The following CDC42BPA variants were observed in gnomAD, a reference collection of about 807,000 sequenced individuals.
CDC42BPA encodes CDC42 binding protein kinase alpha.
In CDC42BPA, 80 loss-of-function variants were observed where a neutral mutation model predicts 223.5. The ratio of observed to expected loss-of-function variants is 0.36; its 90% CI spans 0.30 to 0.43. The LOEUF is 0.43. Among genes scored for constraint, CDC42BPA ranks in the 20% least tolerant of loss-of-function variants. The probability of loss-of-function intolerance (pLI) is 1.00; values close to 1 mark genes in which losing one functional copy is unlikely to be tolerated. For missense variants in CDC42BPA, 1,743 were observed against 2,099.9 expected (o/e 0.83, Z 3.32); for synonymous variants, 694 against 718.6 (o/e 0.97, Z 0.55).
At chr1:227,307,547 G>GAAACTTTTTC (rs1488181854) in intron 1 of CDC42BPA, among the ~76,000 whole-genome samples, 1 of 152,236 alleles carries the variant, frequency 6.6e-6, no homozygotes, top group Non-Finnish European at 1.5e-5. Context: ...CAAACTTTTT[G>GAAACTTTTTC]AAACTTTTTC....
intron 2 of CDC42BPA, among the ~76,000 whole-genome samples, chr1:227,229,461 C>A (rs1007866959): frequency 2.0e-5 from 3 of 152,122 alleles, no homozygotes; most frequent in African/African-American, 7.2e-5. Flanking sequence ...CAACTTTGCT[C>A]TTTTTCAAAA....
chr1:227,265,971 C>T (rs903578670), intron 1 of CDC42BPA, among the ~76,000 whole-genome samples: 2 of 152,152 alleles, frequency 1.3e-5, no homozygotes, highest in Non-Finnish European at 2.9e-5. Context: ...ATTAAGTCCG[C>T]TTTGTTCACT....
chr1:227,115,327 G>C (rs75665794), intron 12 of CDC42BPA, among the ~76,000 whole-genome samples: 3,158 of 152,036 alleles, frequency 0.021, 123 homozygotes, highest in African/African-American at 0.072. Flanking sequence ...CTAAGGATAA[G>C]GAATATCACT....
At position 227,193,903 on chromosome 1, in the gene CDC42BPA, T is replaced by A; in HGVS notation, c.482A>T (p.Asp161Val). The change falls in exon 5 of 37, where the codon GAT (aspartate) becomes GTT (valine). Residue 161 changes from aspartate to valine, a missense_variant. Asp to Val is a radical substitution (Grantham distance 152, BLOSUM62 -3). Around this residue, in one of 6 missense-constraint regions of CDC42BPA, gnomAD observed 321 missense variants for 488.7 expected, o/e 0.66. Transcript: ENST00000366766. ...YLVMDYYVGG[D>V]LLTLLSKFED... ...AAATTTGCTGAGTAGAGTAAGCAAA[T>A]CCCCACCAACATAATAATCCATAAC... 6.2e-7 allele frequency: 1 copy of A among 1,611,810 alleles called. No homozygotes were observed. Among genetic ancestry groups the A allele is most frequent in the Non-Finnish European group, 8.5e-7 (1 of 1,179,066 alleles).
At position 227,243,572 on chromosome 1, in the gene CDC42BPA, G is replaced by T. The variant is rs574719766; in HGVS notation, c.270+10492C>A. On this transcript the variant is annotated intron_variant, in intron 2 of 36. Coordinates refer to ENST00000366766, the MANE Select transcript of CDC42BPA (RefSeq NM_001394014.1). ...GGTTTGTCTTGAAAGATCAAAGAAAGAATTTATTTTAATTATTGGAAAATA... is the reference window on the plus strand; with the variant it reads ...GGTTTGTCTTGAAAGATCAAAGAAATAATTTATTTTAATTATTGGAAAATA... Among the ~76,000 whole-genome samples, 3 of 152,174 alleles carry T rather than the reference G, an allele frequency of 2.0e-5. No homozygotes were observed. The South Asian group carries it at 6.2e-4, about 32-fold the overall frequency.
chr1:227,285,983 C>T (rs1558956907), intron 1 of CDC42BPA, among the ~76,000 whole-genome samples: 1 of 152,186 alleles, frequency 6.6e-6, no homozygotes, highest in Non-Finnish European at 1.5e-5. Context: ...CCTCCTAAGC[C>T]TCTGAGCCTA....
intron 1 of CDC42BPA, among the ~76,000 whole-genome samples, chr1:227,296,805 A>G (rs527361354): frequency 6.6e-6 from 1 of 151,922 alleles, no homozygotes; most frequent in South Asian, 2.1e-4. Context: ...CACCAAAAGC[A>G]CAAGAAAAAA....
At chr1:227,039,796 C>T (rs1671005978) in intron 24 of CDC42BPA, among the ~76,000 whole-genome samples, 1 of 151,952 alleles carries the variant, frequency 6.6e-6, no homozygotes, top group South Asian at 2.1e-4. Flanking sequence ...TGAAAAGGTT[C>T]CCACACTGTC....
chr1:227,148,995 T>C (rs191233439), intron 6 of CDC42BPA, among the ~76,000 whole-genome samples: 2 of 151,092 alleles, frequency 1.3e-5, no homozygotes, highest in African/African-American at 4.9e-5. Flanking sequence ...GAGTACCTTA[T>C]GCTTATATGA....
At chr1:227,257,120 A>G (rs931849231) in intron 1 of CDC42BPA, among the ~76,000 whole-genome samples, 1 of 152,210 alleles carries the variant, frequency 6.6e-6, no homozygotes, top group Non-Finnish European at 1.5e-5. Context: ...CTTAAATGAA[A>G]TATCTAGAAT....
intron 1 of CDC42BPA, among the ~76,000 whole-genome samples, chr1:227,275,807 T>G (rs1686867121): frequency 6.6e-6 from 1 of 152,218 alleles, no homozygotes; most frequent in African/African-American, 2.4e-5. Flanking sequence ...TTTCGCCATG[T>G]TCGCCGGGCT....
intron 14 of CDC42BPA, among the ~76,000 whole-genome samples, chr1:227,105,670 A>G (rs1013767911): frequency 2.0e-5 from 3 of 152,118 alleles, no homozygotes; most frequent in Non-Finnish European, 4.4e-5. Flanking sequence ...TGCCTATTCT[A>G]AATTATTTCA....
Position 227,035,618 on chromosome 1 carries a change from GA to G in CDC42BPA, c.3200-12del. 6.4e-7 allele frequency: 1 copy of G among 1,554,690 alleles called. No homozygotes were observed. On this transcript the variant is annotated splice_polypyrimidine_tract_variant and intron_variant, in intron 24 of 36. Coordinates refer to ENST00000366766, the MANE Select transcript of CDC42BPA (RefSeq NM_001394014.1). ...ATGAGAATCCACACACTTTTAGAGG[GA>G]AAAAAGAAACGTTTGATAAAAATTC... is the stretch of plus-strand genomic sequence containing the variant.
intron 1 of CDC42BPA, among the ~76,000 whole-genome samples, chr1:227,288,681 C>A (rs984556686): frequency 6.6e-6 from 1 of 150,902 alleles, no homozygotes; most frequent in South Asian, 2.1e-4. Flanking sequence ...GGGTGACAGA[C>A]CAAGACTCGG....
At chr1:227,222,792 A>G (rs1219816400) in intron 2 of CDC42BPA, among the ~76,000 whole-genome samples, 1 of 152,232 alleles carries the variant, frequency 6.6e-6, no homozygotes, top group African/African-American at 2.4e-5. Context: ...GTCATCATAC[A>G]GGTTCCCGCG....
intron 2 of CDC42BPA, among the ~76,000 whole-genome samples, chr1:227,240,981 G>C (rs1388294352): frequency 6.6e-6 from 1 of 151,900 alleles, no homozygotes; most frequent in African/African-American, 2.4e-5. Flanking sequence ...TAAAACATCT[G>C]ACAAAGAACT....
chr1:227,189,947 T>C (rs1034560421), intron 5 of CDC42BPA, among the ~76,000 whole-genome samples: 2 of 152,200 alleles, frequency 1.3e-5, no homozygotes, highest in Non-Finnish European at 2.9e-5. Flanking sequence ...GAAGTTTACC[T>C]TCAAATTTCA....
At chr1:227,048,178 A>G (rs1303681950) in intron 22 of CDC42BPA, among the ~76,000 whole-genome samples, 168 bp from the exon 23 acceptor site, 2 of 152,126 alleles carry the variant, frequency 1.3e-5, no homozygotes, top group African/African-American at 2.4e-5. Context: ...CATAGTGTTG[A>G]TAATTTAAAT....
At chr1:227,195,963 A>C (rs6426586) in intron 4 of CDC42BPA, among the ~76,000 whole-genome samples, 103,753 of 151,962 alleles carry the variant, frequency 0.68, 35,653 homozygotes, top group South Asian at 0.73. Flanking sequence ...TTCACATAAG[A>C]GGGAACACAA....
Sources: gnomAD v4.1 joint callset for allele counts (sites outside exome capture counted in the v4.1 genomes callset) on GRCh38, gnomAD v4.1.1 for gene constraint, gnomAD v4.1.1 regional missense constraint, MANE v1.5 for transcripts, NCBI Gene and HGNC (gene_info 2026-07-23, HGNC 2026-07-21) for gene names.